Variants in NTM observed in about 807,000 individuals in gnomAD.
The protein encoded by NTM is neurotrimin.
A neutral mutation model predicts 42.1 loss-of-function variants in NTM; 13 were observed. The observed-to-expected ratio is 0.31, with a 90% CI of 0.20 to 0.49. NTM has a LOEUF of 0.49. NTM is among the 20% of genes least tolerant of loss of function. The pLI is 0.99. For missense variants in NTM, 373 were observed against 452.8 expected (o/e 0.82, Z 1.60); for synonymous variants, 187 against 179.2 (o/e 1.04, Z -0.35).
intron 3 of NTM, among the ~76,000 whole-genome samples, chr11:132,160,122 C>T (rs1466325724): frequency 6.6e-6 from 1 of 152,204 alleles, no homozygotes; most frequent in Non-Finnish European, 1.5e-5. Flanking sequence ...CTCACTGATA[C>T]TCACTGAGGC....
chr11:132,162,584 T>C (rs1166454713), intron 3 of NTM, among the ~76,000 whole-genome samples: 5 of 146,844 alleles, frequency 3.4e-5, no homozygotes, highest in African/African-American at 1.3e-4. Flanking sequence ...CGTGTGTGTG[T>C]GTGTGTTTGT....
At position 131,944,055 on chromosome 11, in the gene NTM, A is replaced by AT. The variant is rs377427271; in HGVS notation, c.167+32417dup. ...TTCTGCTCATAAACTTTTCTGAAACATTTTTTTTTTCTTTTCTGTGAGAGC... is the reference window on the plus strand; with the variant it reads ...TTCTGCTCATAAACTTTTCTGAAACATTTTTTTTTTTCTTTTCTGTGAGAGC... On this transcript the variant is annotated intron_variant, in intron 2 of 8. Transcript: ENST00000683400. 5.4e-3 allele frequency among the ~76,000 whole-genome samples: 811 copies of AT among 150,302 alleles called. 7 individuals are homozygous for AT. Among genetic ancestry groups the AT allele is most frequent in the African/African-American group, 0.018 (721 of 40,976 alleles).
intron 1 of NTM, among the ~76,000 whole-genome samples, chr11:131,434,240 G>A (rs964578788): frequency 1.3e-5 from 2 of 152,194 alleles, no homozygotes; most frequent in Admixed American, 6.5e-5. Context: ...TAGTGCCGCA[G>A]TAAACATACG....
Position 131,624,084 on chromosome 11 carries a change from G to A in NTM, c.82+253196G>A, listed in dbSNP as rs566458002. Among the ~76,000 whole-genome samples the A allele has an allele frequency of 2.9e-3, 438 of 152,304 alleles. 2 individuals are homozygous for A. The highest frequency in any genetic ancestry group is 9.9e-3 in the African/African-American group (412 of 41,554). ...TTTCCTGGGGCACCTTGTACTCTGT[G>A]CAGAGGCTGTGTCCTCACATTTGTG... On this transcript the variant is annotated intron_variant, in intron 1 of 8. Transcript: ENST00000683400.
intron 1 of NTM, among the ~76,000 whole-genome samples, chr11:131,747,141 G>A (rs1227059238): frequency 6.6e-6 from 1 of 152,106 alleles, no homozygotes; most frequent in Non-Finnish European, 1.5e-5. Context: ...TATGCTAGAG[G>A]GAAACTAAGG....
At chr11:131,651,252 T>A (rs751513885) in intron 1 of NTM, among the ~76,000 whole-genome samples, 4 of 152,240 alleles carry the variant, frequency 2.6e-5, no homozygotes, top group Admixed American at 2.6e-4. Flanking sequence ...TTTTTAATAA[T>A]CATTTGATTT....
chr11:131,384,932 C>A (rs756338821), intron 1 of NTM, among the ~76,000 whole-genome samples: 1 of 152,232 alleles, frequency 6.6e-6, no homozygotes, highest in Non-Finnish European at 1.5e-5. Flanking sequence ...GGCACCCAGG[C>A]CTTTCTGCCA....
At chr11:131,636,163 G>C (rs894476258) in intron 1 of NTM, among the ~76,000 whole-genome samples, 5 of 152,148 alleles carry the variant, frequency 3.3e-5, no homozygotes, top group African/African-American at 4.8e-5. Context: ...TTGAGTAGGA[G>C]AATCAGAAGG....
At chr11:131,903,499 C>G (rs2053451730) in intron 1 of NTM, among the ~76,000 whole-genome samples, 1 of 152,252 alleles carries the variant, frequency 6.6e-6, no homozygotes, top group Non-Finnish European at 1.5e-5. Context: ...ATCATCTTGA[C>G]TCTTCCGTCG....
At chr11:131,522,165 C>T (rs1319791132) in intron 1 of NTM, among the ~76,000 whole-genome samples, 4 of 152,058 alleles carry the variant, frequency 2.6e-5, no homozygotes, top group African/African-American at 7.2e-5. Context: ...TCCGGGATCT[C>T]TTCCCCTCCC....
chr11:131,855,259 G>A (rs2045981040), intron 1 of NTM, among the ~76,000 whole-genome samples: 1 of 152,170 alleles, frequency 6.6e-6, no homozygotes, highest in South Asian at 2.1e-4. Context: ...AATCTATCAA[G>A]GTTAAAAGAA....
At chr11:131,920,386 T>C (rs540685016) in intron 2 of NTM, among the ~76,000 whole-genome samples, 2 of 152,306 alleles carry the variant, frequency 1.3e-5, no homozygotes, top group South Asian at 4.1e-4. Flanking sequence ...GGAGGCTTCT[T>C]TGCATTTGGG....
intron 1 of NTM, among the ~76,000 whole-genome samples, chr11:131,610,135 C>T (rs1317544356): frequency 6.6e-6 from 1 of 152,314 alleles, no homozygotes; most frequent in East Asian, 1.9e-4. Flanking sequence ...AATCGTTAAA[C>T]TGTCCAACAA....
chr11:131,720,448 T>A (rs1187153646), intron 1 of NTM, among the ~76,000 whole-genome samples: 1 of 152,194 alleles, frequency 6.6e-6, no homozygotes, highest in Non-Finnish European at 1.5e-5. Flanking sequence ...ACACACATAG[T>A]TTAGAAGACT....
chr11:131,864,094 G>A (rs2046902208), intron 1 of NTM, among the ~76,000 whole-genome samples: 1 of 152,114 alleles, frequency 6.6e-6, no homozygotes, highest in South Asian at 2.1e-4. Context: ...GTGAGAGGCA[G>A]GGAGTTAGAT....
intron 2 of NTM, among the ~76,000 whole-genome samples, chr11:132,103,444 C>T (rs1566167058): frequency 6.6e-6 from 1 of 152,198 alleles, no homozygotes; most frequent in Non-Finnish European, 1.5e-5. Context: ...GATTTGCAAT[C>T]ATGTGAAAAT....
chr11:131,382,829 T>G (rs1179751240), intron 1 of NTM, among the ~76,000 whole-genome samples: 1 of 152,258 alleles, frequency 6.6e-6, no homozygotes, highest in African/African-American at 2.4e-5. Flanking sequence ...GTAGTCTGAC[T>G]GGCAAAGTAG....
intron 1 of NTM, among the ~76,000 whole-genome samples, chr11:131,824,657 C>G (rs1351266255): frequency 6.6e-6 from 1 of 152,168 alleles, no homozygotes; most frequent in African/African-American, 2.4e-5. Flanking sequence ...AGACATTACA[C>G]TGGTCAAAGA....
intron 2 of NTM, among the ~76,000 whole-genome samples, chr11:131,971,761 A>G (rs1464690561): frequency 6.8e-6 from 1 of 147,870 alleles, no homozygotes; most frequent in East Asian, 2.0e-4. Flanking sequence ...AAAAAAAAAA[A>G]TTAGCTGGGC....
Sources: allele counts gnomAD v4.1 joint callset (sites outside exome capture counted in the v4.1 genomes callset), GRCh38; gene constraint gnomAD v4.1.1; transcripts MANE v1.5; gene names NCBI Gene and HGNC (gene_info 2026-07-23, HGNC 2026-07-21).